ZNF547: variants seen among roughly 807,000 people sequenced by gnomAD.
ZNF547 encodes the protein zinc finger protein 547.
A neutral mutation model predicts 7.7 loss-of-function variants in ZNF547; 4 were observed. The observed-to-expected ratio is 0.52, with a 90% confidence interval of 0.26 to 1.20. ZNF547 has a LOEUF of 1.20. Ranked by LOEUF, ZNF547 falls within the 50% of genes most tolerant of loss-of-function variation. The pLI, the probability that ZNF547 is intolerant of heterozygous loss-of-function variation, is 0.14. For missense variants in ZNF547, 449 were observed against 485.8 expected (o/e 0.92, Z 0.71); for synonymous variants, 166 against 166.2 (o/e 1.00, Z 0.01).
intron 3 of ZNF547, among the ~76,000 whole-genome samples, chr19:57,374,766 C>T (rs1358551106): frequency 6.6e-6 from 1 of 152,190 alleles, no homozygotes; most frequent in Non-Finnish European, 1.5e-5. Flanking sequence ...TAGCAAGAGT[C>T]ACCTTTACTC....
At chr19:57,365,067 G>A (rs1049475072) in intron 1 of ZNF547, 4 of 1,610,832 alleles carry the variant, frequency 2.5e-6, no homozygotes, top group Admixed American at 1.7e-5. Context: ...TTGTCACCGC[G>A]GGGCATATGA....
In ZNF547 at chr19:57,377,788, G is replaced by A. The variant is rs765613410; in HGVS notation, c.812G>A (p.Ser271Asn). The A allele has an allele frequency of 3.1e-6, 5 of 1,614,082 alleles. No homozygotes were observed. Among genetic ancestry groups the A allele is most frequent in the Non-Finnish European group, 3.4e-6 (4 of 1,180,042 alleles). ...ACTGGAAAGAGGCCTTATGGTTGCA[G>A]TGAATGTGGGAAGTTCTTTAAGTGC... ...VHTGKRPYGCSECGKFFKCNS... is the reference protein window; with the variant it reads ...VHTGKRPYGCNECGKFFKCNS... Residue 271 changes from serine to asparagine, a missense_variant, in exon 4 of 4, where the codon AGT becomes AAT. Physicochemically the swap from Ser to Asn is conservative, Grantham distance 46. Transcript: ENST00000282282.
chr19:57,378,215 A>G lies in ZNF547; in HGVS notation c.*30A>G, dbSNP rs201444021. 1.9e-6 allele frequency: 3 copies of G among 1,574,912 alleles called. No homozygotes were observed. Among genetic ancestry groups the G allele is most frequent in the East Asian group, 2.2e-5 (1 of 44,486 alleles). ...CTTATGAATGCAGTGGATATGGGAA[A>G]GCCTTCAGTCACCAACATATTGTGG... On this transcript the variant is annotated 3_prime_UTR_variant, in exon 4 of 4. Transcript: ENST00000282282.
chr19:57,376,920 A>G (rs927376440), intron 3 of ZNF547, among the ~76,000 whole-genome samples: 7 of 152,004 alleles, frequency 4.6e-5, no homozygotes, highest in South Asian at 2.1e-4. Context: ...CTTTTAATCA[A>G]CTTAACCACT....
In ZNF547 at chr19:57,378,333, G is replaced by A; in HGVS notation, c.*148G>A. Reference sequence around the variant, plus strand: ...AGCTCTCCAGTCGCTATGTATCAGAGAATTCACACTGCAGAAATGTGTGTT... The same window carrying A: ...AGCTCTCCAGTCGCTATGTATCAGAAAATTCACACTGCAGAAATGTGTGTT... On this transcript the variant is annotated 3_prime_UTR_variant, in exon 4 of 4. Coordinates refer to ENST00000282282, the MANE Select transcript of ZNF547 (RefSeq NM_173631.4). 1.3e-6 allele frequency: 1 copy of A among 771,322 alleles called. No individual in the cohort carries two copies. Among genetic ancestry groups the A allele is most frequent in the Non-Finnish European group, 2.2e-6 (1 of 458,412 alleles). 47.8% of individuals were successfully genotyped at this position (771,322 alleles called of 1,614,324 possible).
At chr19:57,368,411 C>T (rs1382833799) in intron 1 of ZNF547, 133 bp from the exon 2 acceptor site, 11 of 733,522 alleles carry the variant, frequency 1.5e-5, no homozygotes, top group African/African-American at 8.8e-5. Context: ...ACAGTGAAGT[C>T]GGAGGAGCTG....
intron 3 of ZNF547, among the ~76,000 whole-genome samples, chr19:57,374,761 A>C (rs2088526108): frequency 6.6e-6 from 1 of 152,156 alleles, no homozygotes; most frequent in Non-Finnish European, 1.5e-5. Context: ...AAGCATAGCA[A>C]GAGTCACCTT....
rs1322219087 is a variant in ZNF547 at position 57,378,808 on chromosome 19, T to G, written c.*623T>G. 9.2e-6 allele frequency: 4 copies of G among 437,032 alleles called. No homozygotes were observed. Among genetic ancestry groups the G allele is most frequent in the Non-Finnish European group, 1.8e-5 (4 of 221,288 alleles). 27.1% of individuals were successfully genotyped at this position (437,032 alleles called of 1,614,324 possible). Reference sequence around the variant, plus strand: ...CAAAGAATATCCTGAACTCTTTATCTTGTAAAATGAAACTCTATAACCACC... The same window carrying G: ...CAAAGAATATCCTGAACTCTTTATCGTGTAAAATGAAACTCTATAACCACC... On this transcript the variant is annotated 3_prime_UTR_variant, in exon 4 of 4. Coordinates refer to ENST00000282282, the MANE Select transcript of ZNF547 (RefSeq NM_173631.4).
chr19:57,369,566 G>A (rs866949311), intron 2 of ZNF547, among the ~76,000 whole-genome samples: 2 of 152,136 alleles, frequency 1.3e-5, no homozygotes, highest in Admixed American at 6.5e-5. Flanking sequence ...AGTGCTGTTC[G>A]AAGACAGAGA....
chr19:57,379,034 T>G lies in ZNF547; in HGVS notation c.*849T>G. 3.4e-5 allele frequency: 6 copies of G among 176,730 alleles called. No homozygotes were observed. In the South Asian group the frequency reaches 6.5e-4, roughly 19 times the overall value. 10.9% of individuals were successfully genotyped at this position (176,730 alleles called of 1,614,324 possible). A position where few individuals can be genotyped will look rare whatever the true frequency, so the allele number is the denominator to read the frequency against. Reference sequence around the variant, plus strand: ...TCAGAAATTTTAAGGCTGAGCAATATTTCATTGTTTGCATTTACCACATTT... The same window carrying G: ...TCAGAAATTTTAAGGCTGAGCAATAGTTCATTGTTTGCATTTACCACATTT... On this transcript the variant is annotated 3_prime_UTR_variant, in exon 4 of 4. Transcript: ENST00000282282.
chr19:57,373,143 T>C (rs975719103), intron 3 of ZNF547, among the ~76,000 whole-genome samples: 15 of 152,196 alleles, frequency 9.9e-5, no homozygotes, highest in African/African-American at 3.6e-4. Flanking sequence ...TCCCCATTGC[T>C]GGGGAGGCCT....
chr19:57,373,876 A>G (rs764955985), intron 3 of ZNF547, among the ~76,000 whole-genome samples: 56 of 152,226 alleles, frequency 3.7e-4, no homozygotes, highest in Non-Finnish European at 7.5e-4. Flanking sequence ...AGCTGCTTTC[A>G]TGGGCTGGCA....
rs1281138253 is a variant in ZNF547 at position 57,378,606 on chromosome 19, A to G, written c.*421A>G. On this transcript the variant is annotated 3_prime_UTR_variant, in exon 4 of 4. Transcript: ENST00000282282. Reference sequence around the variant, plus strand: ...AGTTCACACTGGAAAAAGGCCACGTATGTGCCTTGAATGTAGCCAAAATGA... The same window carrying G: ...AGTTCACACTGGAAAAAGGCCACGTGTGTGCCTTGAATGTAGCCAAAATGA... 2 of 366,670 alleles carry G rather than the reference A, an allele frequency of 5.5e-6. No individual in the cohort carries two copies. The highest frequency in any genetic ancestry group is 7.6e-5 in the East Asian group (1 of 13,188). 22.7% of individuals were successfully genotyped at this position (366,670 alleles called of 1,614,324 possible).
In ZNF547 at chr19:57,373,956, G is replaced by A. The variant is rs113333077; in HGVS notation, c.151+2048G>A. 2.0e-5 allele frequency among the ~76,000 whole-genome samples: 3 copies of A among 152,298 alleles called. 1 individual carries two copies. The highest frequency in any genetic ancestry group is 7.2e-5 in the African/African-American group (3 of 41,558). Reference sequence around the variant, plus strand: ...TGGATCTACCATTCTGGGGACTGGAGGACGTGGCCTTCTTCTCATAGCTCC... The same window carrying A: ...TGGATCTACCATTCTGGGGACTGGAAGACGTGGCCTTCTTCTCATAGCTCC... On this transcript the variant is annotated intron_variant, in intron 3 of 3. Coordinates refer to ENST00000282282, the MANE Select transcript of ZNF547 (RefSeq NM_173631.4).
At chr19:57,366,562 T>C (rs2088471785) in intron 1 of ZNF547, among the ~76,000 whole-genome samples, 1 of 148,404 alleles carries the variant, frequency 6.7e-6, no homozygotes, top group South Asian at 2.2e-4. Flanking sequence ...TTTTTTTTTT[T>C]TTTTTGACGT....
In ZNF547 at chr19:57,377,310, C is replaced by T; in HGVS notation, c.334C>T (p.Gln112Ter). ...TGAGCATGACGGAACACACCCCGAG[C>T]AGGGACTGTACACGTGTCCAGCACA... ...LAEHDGTHPE[Q>*]GLYTCPAHLH... Residue 112 changes from glutamine to a stop codon, truncating the protein, a stop_gained, in exon 4 of 4, where the codon CAG becomes TAG. Transcript: ENST00000282282. LOFTEE classifies it low-confidence loss of function (END_TRUNC). 1.2e-6 allele frequency: 2 copies of T among 1,614,212 alleles called. No homozygotes were observed. Among genetic ancestry groups the T allele is most frequent in the Non-Finnish European group, 1.7e-6 (2 of 1,180,050 alleles).
intron 1 of ZNF547, chr19:57,365,064 C>T (rs1043306): frequency 6.8e-6 from 11 of 1,610,812 alleles, no homozygotes; most frequent in Non-Finnish European, 7.6e-6. Context: ...CATTTGTCAC[C>T]GCGGGGCATA....
chr19:57,369,245 G>A (rs960780965), intron 2 of ZNF547, among the ~76,000 whole-genome samples: 11 of 152,140 alleles, frequency 7.2e-5, no homozygotes, highest in African/African-American at 1.7e-4. Context: ...GTTTTGAACT[G>A]GAGCTGCCCA....
intron 3 of ZNF547, among the ~76,000 whole-genome samples, chr19:57,373,857 C>T (rs942201690): frequency 5.9e-5 from 9 of 152,274 alleles, no homozygotes; most frequent in African/African-American, 2.2e-4. Context: ...AGGGTACAGA[C>T]CCCCCCTCAG....
Sources: allele counts gnomAD v4.1 joint callset (sites outside exome capture counted in the v4.1 genomes callset), GRCh38; gene constraint gnomAD v4.1.1; transcripts MANE v1.5; gene names NCBI Gene and HGNC (gene_info 2026-07-23, HGNC 2026-07-21).